Variants in KAZN observed in about 807,000 individuals in gnomAD.
KAZN encodes the protein kazrin.
KAZN carries 40 observed loss-of-function variants against 87.4 expected under a neutral mutation model. The ratio of observed to expected loss-of-function variants is 0.46; its 90% CI spans 0.36 to 0.60. KAZN has a LOEUF of 0.60. Ranked by LOEUF, KAZN falls within the 20% of genes least tolerant of loss-of-function variation. The probability of loss-of-function intolerance (pLI) is 0.00; values close to 1 mark genes in which losing one functional copy is unlikely to be tolerated. For missense variants in KAZN, 898 were observed against 1,073.9 expected (o/e 0.84, Z 2.29); for synonymous variants, 466 against 458.3 (o/e 1.02, Z -0.22).
At chr1:14,305,487 G>A (rs1398301388) in intron 2 of KAZN, among the ~76,000 whole-genome samples, 1 of 152,078 alleles carries the variant, frequency 6.6e-6, no homozygotes, top group Non-Finnish European at 1.5e-5. Flanking sequence ...CTGCAGTCAA[G>A]ATCAAACATG....
At chr1:13,971,286 G>C (rs1642127246) in intron 1 of KAZN, among the ~76,000 whole-genome samples, 1 of 152,148 alleles carries the variant, frequency 6.6e-6, no homozygotes, top group Non-Finnish European at 1.5e-5. Flanking sequence ...TGATGTCTCT[G>C]CTTGCTTCAC....
At chr1:13,946,765 G>A (rs868612480) in intron 1 of KAZN, among the ~76,000 whole-genome samples, 21 of 152,252 alleles carry the variant, frequency 1.4e-4, no homozygotes, top group Middle Eastern at 3.4e-3. Flanking sequence ...GTGTTACTCC[G>A]TAACCCTACT....
At chr1:15,108,569 T>C (rs115663606) in intron 13 of KAZN, among the ~76,000 whole-genome samples, 5,443 of 152,318 alleles carry the variant, frequency 0.036, 316 homozygotes, top group African/African-American at 0.12. Context: ...ACGTAGTGGG[T>C]GGCCCTCGAG....
chr1:14,554,431 G>A (rs957200137), intron 2 of KAZN, among the ~76,000 whole-genome samples: 12 of 152,108 alleles, frequency 7.9e-5, no homozygotes, highest in Non-Finnish European at 1.2e-4. Context: ...CCTGATGGAC[G>A]GACCCATCAT....
intron 1 of KAZN, among the ~76,000 whole-genome samples, chr1:14,069,524 A>C (rs1643158339): frequency 6.6e-6 from 1 of 152,172 alleles, no homozygotes; most frequent in Non-Finnish European, 1.5e-5. Context: ...TGTACAAATA[A>C]ACTCAAATGA....
chr1:14,588,897 C>T (rs1269751856), intron 2 of KAZN, among the ~76,000 whole-genome samples: 2 of 152,172 alleles, frequency 1.3e-5, no homozygotes, highest in Non-Finnish European at 2.9e-5. Context: ...GTTTCAGAGC[C>T]TGGACAGGTA....
intron 1 of KAZN, among the ~76,000 whole-genome samples, chr1:13,904,713 G>A (rs1639372873): frequency 6.6e-6 from 1 of 152,222 alleles, no homozygotes; most frequent in African/African-American, 2.4e-5. Flanking sequence ...AAGCTCTGTA[G>A]TTTCACTACA....
chr1:14,101,744 C>T (rs951973627), intron 1 of KAZN, among the ~76,000 whole-genome samples: 1 of 152,170 alleles, frequency 6.6e-6, no homozygotes, highest in East Asian at 1.9e-4. Flanking sequence ...TAATTGTCAG[C>T]GTGGAAGTAA....
At chr1:14,323,285 G>A (rs72867345) in intron 2 of KAZN, among the ~76,000 whole-genome samples, 1,972 of 152,142 alleles carry the variant, frequency 0.013, 47 homozygotes, top group African/African-American at 0.045. Context: ...ACGTGGCCAT[G>A]CCTGGTGGAT....
chr1:14,843,204 T>C (rs775064694), intron 1 of KAZN, among the ~76,000 whole-genome samples: 7 of 152,200 alleles, frequency 4.6e-5, no homozygotes, highest in Non-Finnish European at 1.0e-4. Context: ...TCCTACTGTG[T>C]GCTTAGTCAT....
chr1:14,473,256 G>A (rs35374050), intron 2 of KAZN, among the ~76,000 whole-genome samples: 67,402 of 151,742 alleles, frequency 0.44, 15,290 homozygotes, highest in East Asian at 0.6. Context: ...CTTATCTAAA[G>A]GTTTATTTCT....
intron 1 of KAZN, among the ~76,000 whole-genome samples, chr1:14,082,597 G>A (rs957570232): frequency 6.6e-6 from 1 of 152,164 alleles, no homozygotes; most frequent in Non-Finnish European, 1.5e-5. Flanking sequence ...AAATTAGACC[G>A]AGTGCTGCAG....
chr1:14,177,661 T>C (rs1201089198), intron 1 of KAZN, among the ~76,000 whole-genome samples: 1 of 152,194 alleles, frequency 6.6e-6, no homozygotes, highest in East Asian at 1.9e-4. Context: ...AAATGTAACA[T>C]GCCTTTTTTC....
chr1:14,447,999 C>G (rs1350265883), intron 2 of KAZN, among the ~76,000 whole-genome samples: 1 of 152,188 alleles, frequency 6.6e-6, no homozygotes, highest in African/African-American at 2.4e-5. Context: ...AGTAGGGGAC[C>G]TGTGGTTTGA....
chr1:14,719,476 G>T (rs1642978632), intron 1 of KAZN, among the ~76,000 whole-genome samples: 1 of 152,232 alleles, frequency 6.6e-6, no homozygotes, highest in South Asian at 2.1e-4. Context: ...AGGAAAAGAA[G>T]ATGGGAGGGA....
intron 2 of KAZN, among the ~76,000 whole-genome samples, chr1:14,305,654 T>C (rs1457028331): frequency 6.6e-6 from 1 of 150,796 alleles, no homozygotes; most frequent in Non-Finnish European, 1.5e-5. Flanking sequence ...AAGTCTGCTC[T>C]CCCTTTTTTT....
chr1:14,284,530 AG>A (rs1557615232), intron 2 of KAZN, among the ~76,000 whole-genome samples: 1 of 152,198 alleles, frequency 6.6e-6, no homozygotes, highest in Admixed American at 6.5e-5. Context: ...GACAGCAAAT[AG>A]GGGAAAGATT....
intron 2 of KAZN, chr1:14,223,034 C>G (rs1245553620): frequency 6.6e-6 from 1 of 152,102 alleles, no homozygotes; most frequent in Non-Finnish European, 1.5e-5. Context: ...TAAAGGTACT[C>G]TAGGGCTGAG....
chr1:14,477,538 C>G (rs1330516933), intron 2 of KAZN, among the ~76,000 whole-genome samples: 2 of 151,672 alleles, frequency 1.3e-5, no homozygotes, highest in African/African-American at 4.9e-5. Context: ...TATGCTCTGC[C>G]TTGCATCGTG....
Sources: allele counts gnomAD v4.1 joint callset (sites outside exome capture counted in the v4.1 genomes callset), GRCh38; gene constraint gnomAD v4.1.1; transcripts MANE v1.5; gene names NCBI Gene and HGNC (gene_info 2026-07-23, HGNC 2026-07-21).